PSG8: variants seen among roughly 807,000 people sequenced by gnomAD.
PSG8 encodes the protein pregnancy-specific beta-1-glycoprotein 8.
A neutral mutation model predicts 42.5 loss-of-function variants in PSG8; 57 were observed. The ratio of observed to expected loss-of-function variants is 1.34; its 90% CI spans 1.08 to 1.67. PSG8 has a LOEUF of 1.67. Ranked by LOEUF, PSG8 falls within the 40% of genes most tolerant of loss-of-function variation. PSG8 has a pLI of 0.00. For synonymous variants in PSG8, 280 were observed against 196.8 expected (o/e 1.42, Z -3.54); for missense variants, 783 against 518.6 (o/e 1.51, Z -4.95).
At position 42,758,223 on chromosome 19, in the gene PSG8, T is replaced by G; in HGVS notation, c.488A>C (p.Glu163Ala). The G allele has an allele frequency of 6.2e-7, 1 of 1,614,040 alleles. No homozygotes were observed. The highest frequency in any genetic ancestry group is 8.5e-7 in the Non-Finnish European group (1 of 1,179,958). ...AGGATCACAGGTTAAGCTCACAGCCTCCATGGCCTCCCTGGGGTTTAATTT... is the reference window on the plus strand; with the variant it reads ...AGGATCACAGGTTAAGCTCACAGCCGCCATGGCCTCCCTGGGGTTTAATTT... ...SSKLNPREAMEAVSLTCDPET... is the reference protein window; with the variant it reads ...SSKLNPREAMAAVSLTCDPET... The change falls in exon 3 of 5, where the codon GAG (glutamate) becomes GCG (alanine). Residue 163 changes from glutamate (E) to alanine (A), a missense_variant. By Grantham distance (107) the Glu-to-Ala change is moderately radical. Coordinates refer to ENST00000306511, the MANE Select transcript of PSG8 (RefSeq NM_182707.3).
rs768673447 is a variant in PSG8, at chr19:42,763,958, C to T, written c.388G>A (p.Glu130Lys). The change falls in exon 2 of 5, where the codon GAG (glutamate) becomes AAG (lysine). Residue 130 changes from glutamate to lysine, a missense_variant. Transcript: ENST00000306511. The stretch of plus-strand genomic sequence containing the variant: ...AAATGTCCAGTTACTCCTCTATTCT[C>T]ATCACCTCCCATTATGATGTGTAAG... ...YTLHIIMGGD[E>K]NRGVTGHFTF... 5.0e-6 allele frequency: 8 copies of T among 1,613,362 alleles called. No homozygotes were observed. Among genetic ancestry groups the T allele is most frequent in the Non-Finnish European group, 5.9e-6 (7 of 1,179,806 alleles).
chr19:42,755,430 C>T, intron 3 of PSG8, 164 bp from the exon 4 acceptor site: 2 of 1,386,180 alleles, frequency 1.4e-6, no homozygotes, highest in South Asian at 2.8e-5. Context: ...GATCTAAGGG[C>T]TCAAAGACTA....
chr19:42,754,598 G>C lies in PSG8; in HGVS notation c.989-11C>G, dbSNP rs1428642332. On this transcript the variant is annotated splice_polypyrimidine_tract_variant and intron_variant, in intron 4 of 4. Coordinates refer to ENST00000306511, the MANE Select transcript of PSG8 (RefSeq NM_182707.3). ...GGAGGTCTGGACCATCTGGAGCAAA[G>C]AGAATAAAGCCACAGGTGATGTCAT... 18 of 1,608,686 alleles carry C rather than the reference G, an allele frequency of 1.1e-5. No homozygotes were observed. Among genetic ancestry groups the C allele is most frequent in the African/African-American group, 4.0e-5 (3 of 74,642 alleles).
chr19:42,754,239 A>C lies in PSG8; in HGVS notation c.*56T>G. On this transcript the variant is annotated 3_prime_UTR_variant, in exon 5 of 5. Coordinates refer to ENST00000306511, the MANE Select transcript of PSG8 (RefSeq NM_182707.3). ...GGATTTGCTTGTGCCCATGGGACGCAGGCTGGGAATAAAAATGTTTTCCTG... is the reference window on the plus strand; with the variant it reads ...GGATTTGCTTGTGCCCATGGGACGCCGGCTGGGAATAAAAATGTTTTCCTG... 1 of 1,594,524 alleles carries C rather than the reference A, an allele frequency of 6.3e-7. No individual in the cohort carries two copies. Among genetic ancestry groups the C allele is most frequent in the South Asian group, 1.1e-5 (1 of 87,530 alleles).
At position 42,754,439 on chromosome 19, in the gene PSG8, G is replaced by A; in HGVS notation, c.1137C>T (p.Leu379=). 6.2e-7 allele frequency: 1 copy of A among 1,613,900 alleles called. No individual in the cohort carries two copies. Among genetic ancestry groups the A allele is most frequent in the Non-Finnish European group, 8.5e-7 (1 of 1,179,836 alleles). The change falls in exon 5 of 5, where the codon CTC becomes CTT. Residue 379 remains leucine, a synonymous_variant. Coordinates refer to ENST00000306511, the MANE Select transcript of PSG8 (RefSeq NM_182707.3). ...GCTTTGTAGTAATTTGGGGGATAAA[G>A]AGCTTTTGTCCTGATAGCTGAAACT... The part of the protein sequence containing the change: ...NGKFQLSGQK[L]FIPQITTKHS...
rs1158516615 is a variant in PSG8, at chr19:42,755,285, G to A, written c.710-19C>T. On this transcript the variant is annotated intron_variant, in intron 3 of 4. Transcript: ENST00000306511. ...AGCTTCGCTGTGTGGATAACAGAGA[G>A]AAGATTGTCCTGTGTGGCACCTTTG... 2 of 1,604,956 alleles carry A rather than the reference G, an allele frequency of 1.2e-6. No individual in the cohort carries two copies. The highest frequency in any genetic ancestry group is 1.7e-6 in the Non-Finnish European group (2 of 1,176,330).
chr19:42,754,858 T>G (rs1969876890), intron 4 of PSG8, 130 bp downstream of exon 4: 1 of 1,535,172 alleles, frequency 6.5e-7, no homozygotes, highest in Admixed American at 2.0e-5. Flanking sequence ...GGGCAGGGAG[T>G]CATGGCCAGC....
At position 42,758,502 on chromosome 19, in the gene PSG8, T is replaced by C; in HGVS notation, c.431-222A>G. The C allele has an allele frequency of 8.8e-6, 9 of 1,026,168 alleles. No individual in the cohort carries two copies. In the South Asian group the frequency reaches 1.4e-4, roughly 16 times the overall value. The allele number at this position is 1,026,168 out of a possible 1,614,324, so 63.6% of individuals were successfully genotyped here. On this transcript the variant is annotated intron_variant, in intron 2 of 4. Coordinates refer to ENST00000306511, the MANE Select transcript of PSG8 (RefSeq NM_182707.3). ...AAACACAGACTTTCTCAAGTGTGAA[T>C]TGAGCAGCAGCATTGGGTCATGGAA... is the stretch of plus-strand genomic sequence containing the variant.
At position 42,758,075 on chromosome 19, in the gene PSG8, T is replaced by C. The variant is rs1969974252; in HGVS notation, c.636A>G (p.Ala212=). The change falls in exon 3 of 5, where the codon GCA becomes GCG. Residue 212 remains alanine (A), a synonymous_variant. Coordinates refer to ENST00000306511, the MANE Select transcript of PSG8 (RefSeq NM_182707.3). The part of the protein sequence containing the change: ...LFLLGVTKYT[A]GPYECEIRNP... ...TCCGTATTTCACATTCATAGGGTCC[T>C]GCAGTGTACTTTGTGACACCCAATA... 1 of 1,613,972 alleles carries C rather than the reference T, an allele frequency of 6.2e-7. No individual in the cohort carries two copies. The highest frequency in any genetic ancestry group is 1.1e-5 in the South Asian group (1 of 91,084).
rs764585902 is a variant in PSG8, at chr19:42,754,278, G to A, written c.*17C>T. The stretch of plus-strand genomic sequence containing the variant: ...AATGTTTTCCTGACTCTTCCCTGAA[G>A]GCCAGATAGACTCCACCTAAATCCC... On this transcript the variant is annotated 3_prime_UTR_variant, in exon 5 of 5. Coordinates refer to ENST00000306511, the MANE Select transcript of PSG8 (RefSeq NM_182707.3). 112 of 1,610,762 alleles carry A rather than the reference G, an allele frequency of 7.0e-5. No individual in the cohort carries two copies. Among genetic ancestry groups the A allele is most frequent in the Non-Finnish European group, 9.2e-5 (108 of 1,178,434 alleles).
At chr19:42,754,141 T>A (rs1247753068), downstream of PSG8, 4 of 1,409,424 alleles carry the variant, frequency 2.8e-6, no homozygotes, top group Non-Finnish European at 3.8e-6. Context: ...GGGAATTTTA[T>A]GAAGATATCA....
chr19:42,752,900 G>T (rs1014026600), downstream of PSG8: 1 of 276,550 alleles, frequency 3.6e-6, no homozygotes, highest in Non-Finnish European at 6.8e-6. Context: ...TGGGAGTCCT[G>T]TATGCAAGGT....
intron 2 of PSG8, chr19:42,763,664 C>G: frequency 1.5e-6 from 1 of 688,586 alleles, no homozygotes; most frequent in Non-Finnish European, 2.3e-6. Context: ...GACTGATCTC[C>G]TCCTGCTGAG....
chr19:42,764,048 T>C lies in PSG8; in HGVS notation c.298A>G (p.Thr100Ala), dbSNP rs1329641812. The stretch of plus-strand genomic sequence containing the variant: ...AGCAGGGATGCATTGGAATATATTG[T>C]TTCTCGTCCACTGTATGCAGGCCCA... ...IYGPAYSGRE[T>A]IYSNASLLIQ... Residue 100 changes from threonine to alanine, a missense_variant, in exon 2 of 5, where the codon ACA becomes GCA. Thr to Ala is a moderately conservative substitution (Grantham distance 58). Transcript: ENST00000306511. The C allele has an allele frequency of 1.2e-6, 2 of 1,613,938 alleles. No individual in the cohort carries two copies. The highest frequency in any genetic ancestry group is 2.2e-5 in the South Asian group (2 of 91,060).
chr19:42,765,400 C>T lies in PSG8; in HGVS notation c.64+118G>A, dbSNP rs190684474. On this transcript the variant is annotated intron_variant, in intron 1 of 4. Transcript: ENST00000306511. ...AACTCCTGATCTCATGATCCACCTG[C>T]CTCAGCCTCCCAAAGTGCTGGCTTC... 5.4e-6 allele frequency: 8 copies of T among 1,484,796 alleles called. No homozygotes were observed. In the East Asian group the frequency reaches 1.4e-4, roughly 26 times the overall value. The allele number at this position is 1,484,796 out of a possible 1,614,324, so 92.0% of individuals were successfully genotyped here.
chr19:42,765,486 T>A lies in PSG8; in HGVS notation c.64+32A>T, dbSNP rs7246055. 888 of 1,608,088 alleles carry A rather than the reference T, an allele frequency of 5.5e-4. 6 individuals carry two copies. The African/African-American group carries it at 0.011, about 19-fold the overall frequency. ...CCCATCCAGTCACTCTGCTTCCTCC[T>A]CCTGTCCTCTCCCAGGAGGTTCTCT... On this transcript the variant is annotated intron_variant, in intron 1 of 4. Transcript: ENST00000306511.
downstream of PSG8, chr19:42,752,944 TA>T (rs1205374831): frequency 9.2e-6 from 3 of 326,810 alleles, no homozygotes; most frequent in East Asian, 1.6e-4. Context: ...AGATGTTATG[TA>T]AAAGTTTGGG....
intron 2 of PSG8, among the ~76,000 whole-genome samples, chr19:42,762,959 A>T (rs1384622320): frequency 6.6e-6 from 1 of 151,940 alleles, no homozygotes; most frequent in Admixed American, 6.6e-5. Context: ...CCCCTTTGTG[A>T]TTGTGTGACT....
chr19:42,754,885 G>A (rs10417188), intron 4 of PSG8, 103 bp downstream of exon 4: 115,120 of 1,562,824 alleles, frequency 0.074, 8,628 homozygotes, highest in African/African-American at 0.38. Context: ...GTCCAGAAGT[G>A]AAGGTGTCTA....
Sources: allele counts gnomAD v4.1 joint callset (sites outside exome capture counted in the v4.1 genomes callset), GRCh38; gene constraint gnomAD v4.1.1; transcripts MANE v1.5; gene names NCBI Gene and HGNC (gene_info 2026-07-23, HGNC 2026-07-21).